MAPK10: variants seen among roughly 807,000 people sequenced by gnomAD.
MAPK10 encodes the protein JNK3 alpha protein kinase.
Under a neutral mutation model 59.3 loss-of-function variants are expected in MAPK10, and 25 were observed. The observed-to-expected ratio is 0.42, with a 90% CI of 0.31 to 0.59. The LOEUF is 0.59. Ranked by LOEUF, MAPK10 falls within the 20% of genes least tolerant of loss-of-function variation. The pLI is 0.15. For synonymous variants in MAPK10, 190 were observed against 200.5 expected, an observed-to-expected ratio of 0.95 and a Z score of 0.44; for missense variants, 351 against 568.9, an observed-to-expected ratio of 0.62 and a Z score of 3.90.
At chr4:86,537,661 C>A in intron 1 of MAPK10, among the ~76,000 whole-genome samples, 1 of 152,126 alleles carries the variant, frequency 6.6e-6, no homozygotes, top group East Asian at 1.9e-4. Flanking sequence ...GTCTATTATT[C>A]TGTCAGGTTG....
At chr4:86,212,019 A>T in intron 2 of MAPK10, among the ~76,000 whole-genome samples, 1 of 152,166 alleles carries the variant, frequency 6.6e-6, no homozygotes, top group East Asian at 1.9e-4. Context: ...AAAAGACAGT[A>T]ATGCGGGAAA....
At chr4:86,386,239 C>T (rs1041817768) in intron 1 of MAPK10, among the ~76,000 whole-genome samples, 1 of 152,184 alleles carries the variant, frequency 6.6e-6, no homozygotes, top group East Asian at 1.9e-4. Context: ...AGATACGATT[C>T]GCTAAGCATA....
chr4:86,187,777 A>T (rs2149299683), intron 3 of MAPK10, among the ~76,000 whole-genome samples: 1 of 152,236 alleles, frequency 6.6e-6, no homozygotes, highest in East Asian at 1.9e-4. Flanking sequence ...CTACTTTTTT[A>T]AAAACTTATA....
chr4:86,170,171 G>C (rs956160970), intron 3 of MAPK10, among the ~76,000 whole-genome samples: 4 of 151,374 alleles, frequency 2.6e-5, no homozygotes, highest in Non-Finnish European at 5.9e-5. Context: ...AAAATAACCA[G>C]CTAACATCAT....
At chr4:86,058,903 C>T (rs188781695) in intron 11 of MAPK10, among the ~76,000 whole-genome samples, 3 of 152,254 alleles carry the variant, frequency 2.0e-5, no homozygotes, top group African/African-American at 7.2e-5. Flanking sequence ...TTCTTCTGAT[C>T]CCATCTAGCT....
intron 1 of MAPK10, among the ~76,000 whole-genome samples, chr4:86,470,861 C>T (rs1409201694): frequency 6.6e-6 from 1 of 152,004 alleles, no homozygotes; most frequent in Non-Finnish European, 1.5e-5. Flanking sequence ...TAAACCAAAC[C>T]AAAAGTCAGG....
At chr4:86,138,948 TA>T (rs1354347891) in intron 4 of MAPK10, among the ~76,000 whole-genome samples, 1 of 148,200 alleles carries the variant, frequency 6.7e-6, no homozygotes, top group African/African-American at 2.4e-5. Flanking sequence ...TCAAAGAGAA[TA>T]AAATACCTAG....
chr4:86,075,239 C>G (rs1157180253), intron 9 of MAPK10, among the ~76,000 whole-genome samples: 1 of 152,166 alleles, frequency 6.6e-6, no homozygotes, highest in African/African-American at 2.4e-5. Context: ...TGGTTTTCAG[C>G]TCCATCAGCT....
chr4:86,041,165 A>G (rs1338049994), intron 11 of MAPK10, among the ~76,000 whole-genome samples: 1 of 152,188 alleles, frequency 6.6e-6, no homozygotes, highest in Non-Finnish European at 1.5e-5. Flanking sequence ...CAATAGCTAC[A>G]ATAATGTGTT....
At chr4:86,189,495 A>T (rs1000760320) in intron 3 of MAPK10, among the ~76,000 whole-genome samples, 12 of 151,860 alleles carry the variant, frequency 7.9e-5, no homozygotes, top group Admixed American at 4.6e-4. Context: ...TAGGTATTTT[A>T]TTCTCTTTGT....
chr4:86,039,186 G>A (rs539574533), intron 11 of MAPK10, among the ~76,000 whole-genome samples: 33 of 152,206 alleles, frequency 2.2e-4, no homozygotes, highest in African/African-American at 6.5e-4. Flanking sequence ...ACAACTATCC[G>A]CACACAAAAA....
intron 2 of MAPK10, among the ~76,000 whole-genome samples, chr4:86,331,693 C>T (rs376830902): frequency 3.3e-5 from 5 of 152,220 alleles, no homozygotes; most frequent in East Asian, 1.9e-4. Flanking sequence ...AAAGAATATT[C>T]GCTATGAATT....
chr4:86,552,585 T>A (rs1173094958), intron 1 of MAPK10, among the ~76,000 whole-genome samples: 1 of 151,034 alleles, frequency 6.6e-6, no homozygotes, highest in African/African-American at 2.4e-5. Flanking sequence ...AAGGAAAGAA[T>A]ATGCAGAACC....
chr4:86,171,603 A>T (rs2074186708), intron 3 of MAPK10, among the ~76,000 whole-genome samples: 1 of 152,192 alleles, frequency 6.6e-6, no homozygotes, highest in Admixed American at 6.5e-5. Flanking sequence ...CTTAAATGTT[A>T]GATCTAAAAC....
intron 4 of MAPK10, among the ~76,000 whole-genome samples, chr4:86,141,090 A>G (rs2063540404): frequency 6.6e-6 from 1 of 152,188 alleles, no homozygotes; most frequent in South Asian, 2.1e-4. Context: ...AATACAATTA[A>G]CTTGTTCAAA....
At chr4:86,442,183 C>G (rs1749495068) in intron 1 of MAPK10, among the ~76,000 whole-genome samples, 1 of 152,078 alleles carries the variant, frequency 6.6e-6, no homozygotes, top group Non-Finnish European at 1.5e-5. Context: ...TTTATGTGGT[C>G]TACTTTGAGT....
At chr4:86,592,756 C>CCT (rs1215441453) in intron 1 of MAPK10, among the ~76,000 whole-genome samples, 1 of 152,194 alleles carries the variant, frequency 6.6e-6, no homozygotes, top group African/African-American at 2.4e-5. Flanking sequence ...TTGTTGTTCC[C>CCT]CTCAACTGAC....
intron 2 of MAPK10, among the ~76,000 whole-genome samples, chr4:86,225,793 G>A (rs368164793): frequency 6.6e-6 from 1 of 152,058 alleles, no homozygotes; most frequent in African/African-American, 2.4e-5. Flanking sequence ...ATTTCCAAAA[G>A]GCAGTGCACT....
intron 1 of MAPK10, among the ~76,000 whole-genome samples, chr4:86,537,832 G>A (rs1476494984): frequency 6.6e-6 from 1 of 152,024 alleles, no homozygotes. Flanking sequence ...ATTTTAATAT[G>A]GTTGAATTTA....
Sources: gnomAD v4.1 joint callset for allele counts (sites outside exome capture counted in the v4.1 genomes callset) on GRCh38, gnomAD v4.1.1 for gene constraint, MANE v1.5 for transcripts, NCBI Gene and HGNC (gene_info 2026-07-23, HGNC 2026-07-21) for gene names.